The following SAMMSON variants were observed in gnomAD, a reference collection of about 807,000 sequenced individuals.
The protein encoded by SAMMSON is long intergenic non-protein coding RNA 1212.
intron 6 of SAMMSON, among the ~76,000 whole-genome samples, chr3:70,252,913 C>G (rs1280565172): frequency 1.3e-5 from 2 of 152,132 alleles, no homozygotes; most frequent in South Asian, 2.1e-4. Context: ...AACCCCCTCT[C>G]TACTAAAAAT....
At chr3:70,025,861 A>G (rs2067035364) in intron 3 of SAMMSON, among the ~76,000 whole-genome samples, 1 of 152,198 alleles carries the variant, frequency 6.6e-6, no homozygotes, top group South Asian at 2.1e-4. Flanking sequence ...AATTGTAAGG[A>G]ACATATATTT....
At chr3:70,180,633 T>C (rs1701045813) in intron 4 of SAMMSON, among the ~76,000 whole-genome samples, 1 of 152,194 alleles carries the variant, frequency 6.6e-6, no homozygotes, top group South Asian at 2.1e-4. Context: ...TCAAGTTCTT[T>C]GAGCCTTCAG....
rs995095713 is a variant in SAMMSON at position 70,289,910 on chromosome 3, T to G, written n.675-1269T>G. On this transcript the variant is annotated intron_variant and non_coding_transcript_variant, in intron 6 of 9. Transcript: ENST00000642114. ...TCTCGAGCCTTGGTTTTCAGCTCCA[T>G]CAGCTCCTTTAAGCACTTCTCTCTA... Among the ~76,000 whole-genome samples the G allele has an allele frequency of 8.9e-4, 136 of 152,124 alleles. 2 individuals carry two copies. Among genetic ancestry groups the G allele is most frequent in the Admixed American group, 3.9e-4 (6 of 15,272 alleles).
chr3:70,163,794 C>T (rs964517380), intron 4 of SAMMSON, among the ~76,000 whole-genome samples: 2 of 151,776 alleles, frequency 1.3e-5, no homozygotes, highest in Admixed American at 1.3e-4. Flanking sequence ...ACTGAAGTTC[C>T]CAAATTGAAG....
At chr3:70,224,176 T>C (rs1489921900) in intron 4 of SAMMSON, among the ~76,000 whole-genome samples, 2 of 152,164 alleles carry the variant, frequency 1.3e-5, no homozygotes, top group African/African-American at 4.8e-5. Context: ...TCGTAGACTT[T>C]GGTAAATAGC....
intron 3 of SAMMSON, among the ~76,000 whole-genome samples, chr3:70,051,008 C>A (rs1048723782): frequency 6.6e-6 from 1 of 151,328 alleles, no homozygotes; most frequent in Non-Finnish European, 1.5e-5. Context: ...TGGTGGCACA[C>A]ACCTGTAATC....
At chr3:70,280,151 T>G (rs762952023) in intron 6 of SAMMSON, among the ~76,000 whole-genome samples, 2 of 152,132 alleles carry the variant, frequency 1.3e-5, no homozygotes, top group African/African-American at 2.4e-5. Context: ...TTTCCTGACC[T>G]GTGACTGCTG....
intron 1 of SAMMSON, among the ~76,000 whole-genome samples, chr3:70,007,010 G>T (rs1021870400): frequency 6.6e-6 from 1 of 152,068 alleles, no homozygotes; most frequent in Non-Finnish European, 1.5e-5. Context: ...GTATTCCATG[G>T]TGTATATGTG....
chr3:70,106,560 G>A (rs1034513901), intron 4 of SAMMSON, among the ~76,000 whole-genome samples: 22 of 149,658 alleles, frequency 1.5e-4, no homozygotes, highest in Admixed American at 8.0e-4. Flanking sequence ...GGCTGGTCTC[G>A]AACTCCTGGC....
At chr3:70,132,439 C>G (rs1164207800) in intron 4 of SAMMSON, among the ~76,000 whole-genome samples, 2 of 152,130 alleles carry the variant, frequency 1.3e-5, no homozygotes, top group Non-Finnish European at 2.9e-5. Flanking sequence ...ATGCCCATGC[C>G]TCCCCTTCAC....
At chr3:70,363,819 T>C (rs1702896377) in intron 9 of SAMMSON, among the ~76,000 whole-genome samples, 1 of 146,340 alleles carries the variant, frequency 6.8e-6, no homozygotes. Context: ...TGTGTGTGTG[T>C]GTGTGTGTGC....
chr3:70,048,470 T>C (rs748127885), intron 3 of SAMMSON, among the ~76,000 whole-genome samples: 5 of 152,138 alleles, frequency 3.3e-5, no homozygotes, highest in Admixed American at 1.3e-4. Flanking sequence ...AAGTAACTTT[T>C]AAAAATGATC....
chr3:70,245,749 A>T (rs572989546), intron 4 of SAMMSON, among the ~76,000 whole-genome samples: 25 of 139,382 alleles, frequency 1.8e-4, no homozygotes, highest in African/African-American at 6.0e-4. Flanking sequence ...TCCCTGAGTT[A>T]TGTAATTGCT....
rs1437730665 is a variant in SAMMSON, at chr3:70,412,953, C to T, written n.234-49607C>T. Among the ~76,000 whole-genome samples, 6 of 152,072 alleles carry T rather than the reference C, an allele frequency of 3.9e-5. No individual in the cohort carries two copies. In the East Asian group the frequency reaches 1.2e-3, roughly 29 times the overall value. On this transcript the variant is annotated intron_variant and non_coding_transcript_variant, in intron 2 of 3. Transcript: ENST00000641053. Reference sequence around the variant, plus strand: ...CCTAGCAAGCAGACTTTAAGAATGGCGGCAACTTCAACTAAACAGTTATTT... The same window carrying T: ...CCTAGCAAGCAGACTTTAAGAATGGTGGCAACTTCAACTAAACAGTTATTT...
intron 4 of SAMMSON, among the ~76,000 whole-genome samples, chr3:70,121,493 A>C (rs2067432930): frequency 6.6e-6 from 1 of 152,246 alleles, no homozygotes; most frequent in African/African-American, 2.4e-5. Flanking sequence ...TTTACTTTAA[A>C]GAATTTTTAC....
At chr3:70,278,635 G>T (rs1474200051) in intron 6 of SAMMSON, among the ~76,000 whole-genome samples, 1 of 152,042 alleles carries the variant, frequency 6.6e-6, no homozygotes, top group East Asian at 1.9e-4. Flanking sequence ...AAATATACTT[G>T]GCTCTAGAAT....
chr3:70,410,007 G>C (rs1701205709), intron 2 of SAMMSON, among the ~76,000 whole-genome samples: 1 of 150,250 alleles, frequency 6.7e-6, no homozygotes, highest in South Asian at 2.1e-4. Context: ...GTAGTCCCCA[G>C]TCTACTGTTG....
intron 9 of SAMMSON, among the ~76,000 whole-genome samples, chr3:70,369,700 G>A (rs1339571077): frequency 6.6e-6 from 1 of 151,654 alleles, no homozygotes; most frequent in Non-Finnish European, 1.5e-5. Flanking sequence ...CATAATATTT[G>A]TACATACTTA....
chr3:70,108,441 T>TTTTTTA (rs1553715435), intron 4 of SAMMSON, among the ~76,000 whole-genome samples: 1 of 146,346 alleles, frequency 6.8e-6, no homozygotes, highest in African/African-American at 2.6e-5. Flanking sequence ...TTTTTTTTTT[T>TTTTTTA]ATCATAACTC....
Sources: gnomAD v4.1 joint callset for allele counts (sites outside exome capture counted in the v4.1 genomes callset) on GRCh38, gnomAD v4.1.1 for gene constraint, MANE v1.5 for transcripts, NCBI Gene and HGNC (gene_info 2026-07-23, HGNC 2026-07-21) for gene names.